Variants in ALDH1L1 observed in about 807,000 individuals in gnomAD.
ALDH1L1 encodes cytosolic 10-formyltetrahydrofolate dehydrogenase.
A neutral mutation model predicts 101.1 loss-of-function variants in ALDH1L1; 68 were observed. The observed-to-expected ratio is 0.67, with a 90% CI of 0.55 to 0.82. The LOEUF (loss-of-function observed/expected upper bound fraction) is 0.82. Ranked by LOEUF, ALDH1L1 falls within the 40% of genes least tolerant of loss-of-function variation. ALDH1L1 has a pLI of 0.00. For synonymous variants in ALDH1L1, 486 were observed against 470.8 expected, an observed-to-expected ratio of 1.03 and a Z score of -0.42; for missense variants, 1,087 against 1,172.7, an observed-to-expected ratio of 0.93 and a Z score of 1.07.
intron 9 of ALDH1L1, among the ~76,000 whole-genome samples, chr3:126,144,372 A>G (rs1254874142): frequency 6.6e-6 from 1 of 152,250 alleles, no homozygotes; most frequent in Non-Finnish European, 1.5e-5. Flanking sequence ...TTAAAATCAT[A>G]TGGACTATCA....
intron 19 of ALDH1L1, among the ~76,000 whole-genome samples, chr3:126,111,222 G>T (rs1437092528): frequency 6.6e-6 from 1 of 152,202 alleles, no homozygotes; most frequent in Non-Finnish European, 1.5e-5. Flanking sequence ...CTCACCCCTT[G>T]AATCTGGGCC....
intron 12 of ALDH1L1, chr3:126,135,261 C>T (rs1237528722): frequency 3.2e-6 from 1 of 313,066 alleles, no homozygotes; most frequent in Non-Finnish European, 5.9e-6. Flanking sequence ...GGAAGCATCC[C>T]TTGGCTTCCG....
intron 17 of ALDH1L1, among the ~76,000 whole-genome samples, chr3:126,115,694 C>G (rs1004472847): frequency 3.3e-5 from 5 of 152,040 alleles, no homozygotes; most frequent in Non-Finnish European, 5.9e-5. Flanking sequence ...TCTACCTCAG[C>G]CTCCCGAGTA....
At chr3:126,106,817 TG>T (rs762700593) in intron 21 of ALDH1L1, among the ~76,000 whole-genome samples, 1 of 152,080 alleles carries the variant, frequency 6.6e-6, no homozygotes, top group African/African-American at 2.4e-5. Flanking sequence ...CCACTCAGTG[TG>T]GGGGGTGGTT....
At chr3:126,105,594 A>C in intron 22 of ALDH1L1, 132 bp downstream of exon 22, 1 of 1,051,746 alleles carries the variant, frequency 9.5e-7, no homozygotes. Flanking sequence ...CCCAGTAAGA[A>C]GCGAACCCTG....
intron 22 of ALDH1L1, chr3:126,105,406 G>T (rs1430134386): frequency 7.7e-6 from 3 of 389,724 alleles, no homozygotes; most frequent in African/African-American, 2.1e-5. Context: ...GGGCCCCTGG[G>T]TCTTCATGGC....
intron 6 of ALDH1L1, 131 bp downstream of exon 6, chr3:126,154,423 G>A: frequency 2.2e-6 from 2 of 894,480 alleles, no homozygotes; most frequent in South Asian, 1.5e-5. Context: ...TGTTTAGGGG[G>A]CACCCAGTGG....
At chr3:126,130,990 CGA>C (rs1272300675) in intron 13 of ALDH1L1, among the ~76,000 whole-genome samples, 3 of 152,232 alleles carry the variant, frequency 2.0e-5, no homozygotes, top group Non-Finnish European at 4.4e-5. Context: ...ATCCCAAGCC[CGA>C]GAGTGACCTG....
Position 126,115,731 on chromosome 3 carries a change from C to T in ALDH1L1, c.1983-1075G>A, listed in dbSNP as rs190952677. On this transcript the variant is annotated intron_variant, in intron 17 of 22. Coordinates refer to ENST00000393434, the MANE Select transcript of ALDH1L1 (RefSeq NM_012190.4). ...CTGGGATTACAGGCACGTGCCACCA[C>T]GCCCGGCTAATTTTTGTATTTTCAG... Among the ~76,000 whole-genome samples the T allele has an allele frequency of 1.1e-3, 163 of 151,976 alleles. 1 individual carries two copies. Among genetic ancestry groups the T allele is most frequent in the East Asian group, 6.6e-3 (34 of 5,146 alleles).
upstream of ALDH1L1, among the ~76,000 whole-genome samples, chr3:126,184,174 C>T (rs2081498363): frequency 6.6e-6 from 1 of 152,194 alleles, no homozygotes; most frequent in South Asian, 2.1e-4. Flanking sequence ...CCAGCTTGTC[C>T]CTGTCCCAGG....
At chr3:126,117,144 C>A (rs61378685) in intron 17 of ALDH1L1, among the ~76,000 whole-genome samples, 6,778 of 150,548 alleles carry the variant, frequency 0.045, 456 homozygotes, top group African/African-American at 0.14. Flanking sequence ...ACTCAGGAGG[C>A]TAAGGTAGGA....
chr3:126,124,229 T>C, intron 16 of ALDH1L1, 135 bp downstream of exon 16: 1 of 731,052 alleles, frequency 1.4e-6, no homozygotes, highest in Non-Finnish European at 2.2e-6. Flanking sequence ...GGGCCTCCTT[T>C]GTCACAGGCT....
At chr3:126,191,925 C>A (rs148783990) in intron 1 of ALDH1L1, among the ~76,000 whole-genome samples, 6 of 152,152 alleles carry the variant, frequency 3.9e-5, no homozygotes, top group Non-Finnish European at 8.8e-5. Context: ...GTTGTCAAGT[C>A]CTGGTGTAAT....
At chr3:126,112,576 G>A (rs1946112857) in intron 19 of ALDH1L1, among the ~76,000 whole-genome samples, 1 of 152,186 alleles carries the variant, frequency 6.6e-6, no homozygotes, top group African/African-American at 2.4e-5. Flanking sequence ...TTTGCTACAG[G>A]TCTGCTATTT....
At chr3:126,177,951 AAGAATTGC>A in intron 1 of ALDH1L1, among the ~76,000 whole-genome samples, 1 of 152,308 alleles carries the variant, frequency 6.6e-6, no homozygotes. Flanking sequence ...GCTGAGGCCC[AAGAATTGC>A]TTGAACCTGG....
At chr3:126,113,845 CAT>C (rs1172316533) in intron 18 of ALDH1L1, among the ~76,000 whole-genome samples, 2 of 152,236 alleles carry the variant, frequency 1.3e-5, no homozygotes, top group Admixed American at 6.5e-5. Flanking sequence ...AGGACTGACA[CAT>C]GTCTCAAGTG....
Position 126,112,824 on chromosome 3 carries a change from G to A in ALDH1L1, c.2139C>T (p.Leu713=), listed in dbSNP as rs1442077908. 5 of 1,613,708 alleles carry A rather than the reference G, an allele frequency of 3.1e-6. No homozygotes were observed. The highest frequency in any genetic ancestry group is 1.1e-5 in the South Asian group (1 of 91,088). The change falls in exon 19 of 23, where the codon CTC becomes CTT. Residue 713 remains leucine, a synonymous_variant. Transcript: ENST00000393434. ...KGENCIAAGR[L]FVEDSIHDEF... ...CATCATGAATGGAGTCCTCCACAAAGAGTCGGCCTGCTGCAATGCAATTCT... is the reference window on the plus strand; with the variant it reads ...CATCATGAATGGAGTCCTCCACAAAAAGTCGGCCTGCTGCAATGCAATTCT...
intron 12 of ALDH1L1, among the ~76,000 whole-genome samples, chr3:126,133,727 G>A (rs2080361360): frequency 6.6e-6 from 1 of 152,192 alleles, no homozygotes. Context: ...TGAAGCTGCT[G>A]CCATCTCCCT....
At chr3:126,149,341 C>T (rs2080761926) in intron 8 of ALDH1L1, among the ~76,000 whole-genome samples, 1 of 152,178 alleles carries the variant, frequency 6.6e-6, no homozygotes, top group African/African-American at 2.4e-5. Flanking sequence ...TCCCATTTTA[C>T]AGATGCAGGA....
Sources: gnomAD v4.1 joint callset for allele counts (sites outside exome capture counted in the v4.1 genomes callset) on GRCh38, gnomAD v4.1.1 for gene constraint, MANE v1.5 for transcripts, NCBI Gene and HGNC (gene_info 2026-07-23, HGNC 2026-07-21) for gene names.